Variants in ROBO2 observed in about 807,000 individuals in gnomAD.
The protein encoded by ROBO2 is roundabout homolog 2.
In ROBO2, 53 loss-of-function variants were observed where a neutral mutation model predicts 160.8. The observed-to-expected ratio is 0.33, with a 90% CI of 0.26 to 0.41. The LOEUF is 0.41. Among genes scored for constraint, ROBO2 ranks in the 10% least tolerant of loss-of-function variants. The pLI is 1.00. For missense variants in ROBO2, 1,577 were observed against 1,722.4 expected (o/e 0.92, Z 1.49); for synonymous variants, 664 against 611.7 (o/e 1.09, Z -1.26).
rs371501004 is a variant in ROBO2 at position 76,837,521 on chromosome 3, T to TA, written c.110-260483dup. Among the ~76,000 whole-genome samples the TA allele has an allele frequency of 5.4e-4, 81 of 148,974 alleles. 1 individual carries two copies. Among genetic ancestry groups the TA allele is most frequent in the East Asian group, 1.4e-3 (7 of 5,132 alleles). ...ACATAGTTTTTTTTCTTTTTATGTT[T>TA]AAAAAAAAAACCCAAACATATAGAA... On this transcript the variant is annotated intron_variant, in intron 2 of 26. Coordinates refer to the ROBO2 transcript ENST00000487694.
chr3:76,953,673 A>C (rs1055815939), intron 2 of ROBO2, among the ~76,000 whole-genome samples: 3 of 152,210 alleles, frequency 2.0e-5, no homozygotes, highest in Non-Finnish European at 4.4e-5. Context: ...CAAGTACAGG[A>C]TATACCAAGC....
intron 2 of ROBO2, among the ~76,000 whole-genome samples, chr3:76,242,026 C>T (rs1705318442): frequency 6.6e-6 from 1 of 152,186 alleles, no homozygotes. Context: ...GATTACCACT[C>T]TGAAATATTA....
chr3:76,488,202 G>C (rs528459143), intron 2 of ROBO2, among the ~76,000 whole-genome samples: 1 of 152,256 alleles, frequency 6.6e-6, no homozygotes, highest in African/African-American at 2.4e-5. Flanking sequence ...CAGATTCCGT[G>C]GGTCAGAATT....
chr3:76,065,726 ATT>A (rs369968192), intron 2 of ROBO2, among the ~76,000 whole-genome samples: 9,779 of 96,550 alleles, frequency 0.1, 665 homozygotes, highest in African/African-American at 0.25. Flanking sequence ...ATATATGCAT[ATT>A]TAAACTAAAT....
chr3:76,345,964 G>A (rs973152923), intron 2 of ROBO2, among the ~76,000 whole-genome samples: 25 of 151,806 alleles, frequency 1.6e-4, no homozygotes, highest in Admixed American at 1.6e-3. Context: ...AACTGATCTC[G>A]GTTTCTCTTT....
At chr3:77,082,776 G>A (rs2068810578) in intron 1 of ROBO2, among the ~76,000 whole-genome samples, 1 of 151,576 alleles carries the variant, frequency 6.6e-6, no homozygotes, top group African/African-American at 2.4e-5. Flanking sequence ...TACTTGTGAT[G>A]AGTGAATGTG....
At chr3:77,154,052 A>G (rs1403647602) in intron 2 of ROBO2, among the ~76,000 whole-genome samples, 1 of 152,070 alleles carries the variant, frequency 6.6e-6, no homozygotes, top group African/African-American at 2.4e-5. Context: ...GCTACTTCAC[A>G]GCCCTTCAGA....
In ROBO2 at chr3:77,027,691, C is replaced by T. The variant is rs558721840; in HGVS notation, c.110-70323C>T. ...GAGCACTGAAAGCCAGCTGTCGGACCGTGGAGGGTCCAATTCAGAACTCTA... is the reference window on the plus strand; with the variant it reads ...GAGCACTGAAAGCCAGCTGTCGGACTGTGGAGGGTCCAATTCAGAACTCTA... On this transcript the variant is annotated intron_variant, in intron 2 of 26. Coordinates refer to the ROBO2 transcript ENST00000487694. 1.2e-4 allele frequency among the ~76,000 whole-genome samples: 19 copies of T among 152,182 alleles called. No individual in the cohort carries two copies. In the South Asian group the frequency reaches 3.3e-3, roughly 27 times the overall value.
chr3:77,593,565 G>A (rs1446636274), intron 17 of ROBO2, among the ~76,000 whole-genome samples: 5 of 152,060 alleles, frequency 3.3e-5, no homozygotes, highest in Non-Finnish European at 7.4e-5. Flanking sequence ...GTATATTTCA[G>A]GTACCAATAA....
chr3:77,301,810 T>G (rs1330293105), intron 2 of ROBO2, among the ~76,000 whole-genome samples: 2 of 152,180 alleles, frequency 1.3e-5, no homozygotes, highest in Non-Finnish European at 2.9e-5. Context: ...GGGGTTAAGC[T>G]CCCCAATTTT....
chr3:76,567,805 A>ATT (rs2084687377), intron 2 of ROBO2, among the ~76,000 whole-genome samples: 3 of 82,256 alleles, frequency 3.6e-5, no homozygotes, highest in African/African-American at 4.8e-5. Flanking sequence ...GTGTATATAT[A>ATT]TATTTTTTTT....
chr3:77,551,125 A>G lies in ROBO2; in HGVS notation c.1231+136A>G, dbSNP rs112489826. The G allele has an allele frequency of 7.6e-4, 683 of 900,568 alleles. 1 individual carries two copies. Among genetic ancestry groups the G allele is most frequent in the Middle Eastern group, 3.2e-3 (10 of 3,082 alleles). The allele number at this position is 900,568 out of a possible 1,614,324, so 55.8% of individuals were successfully genotyped here. A position where few individuals can be genotyped will look rare whatever the true frequency, so the allele number is the denominator to read the frequency against. ...TCTTTTAAGTTTGAATCCAGGTCAC[A>G]TTCTTTTGGTAGTTTCTAATTCTCC... is the stretch of plus-strand genomic sequence containing the variant. On this transcript the variant is annotated intron_variant, in intron 8 of 25. Coordinates refer to ENST00000461745, the Ensembl canonical transcript of ROBO2.
chr3:76,698,476 C>T (rs190277220), intron 2 of ROBO2, among the ~76,000 whole-genome samples: 5 of 152,170 alleles, frequency 3.3e-5, no homozygotes, highest in Non-Finnish European at 5.9e-5. Flanking sequence ...TTCAAGCTAC[C>T]GACCTGATGG....
intron 2 of ROBO2, among the ~76,000 whole-genome samples, chr3:76,146,204 A>G (rs1307347631): frequency 2.0e-5 from 3 of 152,036 alleles, no homozygotes; most frequent in African/African-American, 7.2e-5. Flanking sequence ...ACATTCTTTA[A>G]AACAATTACT....
chr3:76,013,455 G>A (rs1286268288), intron 2 of ROBO2, among the ~76,000 whole-genome samples: 12 of 149,452 alleles, frequency 8.0e-5, no homozygotes, highest in African/African-American at 2.2e-4. Flanking sequence ...TTTGGAGGCT[G>A]GGCACTGTGG....
intron 2 of ROBO2, among the ~76,000 whole-genome samples, chr3:76,133,523 A>G (rs1248406683): frequency 2.0e-5 from 3 of 152,048 alleles, no homozygotes; most frequent in African/African-American, 7.2e-5. Context: ...GAAGTCCCAC[A>G]ACAGGCCGTC....
At chr3:76,694,079 A>G (rs2092873721) in intron 2 of ROBO2, among the ~76,000 whole-genome samples, 1 of 152,162 alleles carries the variant, frequency 6.6e-6, no homozygotes, top group African/African-American at 2.4e-5. Context: ...AAAACTTTCC[A>G]AAATATTTGT....
intron 2 of ROBO2, among the ~76,000 whole-genome samples, chr3:77,389,107 G>A (rs150725378): frequency 0.047 from 7,141 of 152,190 alleles, 240 homozygotes; most frequent in Middle Eastern, 0.072. Flanking sequence ...ACCATGCCTG[G>A]TTAATTTTGT....
At chr3:77,252,774 C>G (rs2090483443) in intron 2 of ROBO2, among the ~76,000 whole-genome samples, 1 of 122,474 alleles carries the variant, frequency 8.2e-6, no homozygotes, top group South Asian at 2.7e-4. Flanking sequence ...CGCCCCTGCA[C>G]TCCAGCCTGG....
Sources: gnomAD v4.1 joint callset for allele counts (sites outside exome capture counted in the v4.1 genomes callset) on GRCh38, gnomAD v4.1.1 for gene constraint, MANE v1.5 for transcripts, NCBI Gene and HGNC (gene_info 2026-07-23, HGNC 2026-07-21) for gene names.